The following INPP4B variants were observed in gnomAD, a reference collection of about 807,000 sequenced individuals.
INPP4B encodes inositol polyphosphate 4-phosphatase type II.
A neutral mutation model predicts 122.5 loss-of-function variants in INPP4B; 55 were observed. The observed-to-expected ratio is 0.45, with a 90% CI of 0.36 to 0.56. The LOEUF is 0.56. Among genes scored for constraint, INPP4B ranks in the 20% least tolerant of loss-of-function variants. INPP4B has a pLI of 0.00. For missense variants in INPP4B, 1,000 were observed against 1,097.7 expected (o/e 0.91, Z 1.26); for synonymous variants, 403 against 388.7 (o/e 1.04, Z -0.43).
intron 2 of INPP4B, among the ~76,000 whole-genome samples, chr4:142,653,726 G>C (rs1753521320): frequency 6.6e-6 from 1 of 152,166 alleles, no homozygotes; most frequent in African/African-American, 2.4e-5. Flanking sequence ...AACAACAGGT[G>C]CTGGAAAGGA....
At chr4:142,179,490 AAG>A (rs1491029251) in intron 15 of INPP4B, among the ~76,000 whole-genome samples, 1 of 151,222 alleles carries the variant, frequency 6.6e-6, no homozygotes, top group Non-Finnish European at 1.5e-5. Flanking sequence ...AAAAAAAAAA[AAG>A]GTTTCATGAA....
chr4:142,093,884 A>G (rs919836860), intron 23 of INPP4B, among the ~76,000 whole-genome samples: 1 of 116,146 alleles, frequency 8.6e-6, no homozygotes, highest in African/African-American at 2.7e-5. Context: ...TGCATCACCC[A>G]TAGCAAAAGG....
chr4:142,061,152 A>G (rs919885932), intron 25 of INPP4B, among the ~76,000 whole-genome samples: 22 of 152,212 alleles, frequency 1.4e-4, no homozygotes, highest in African/African-American at 4.8e-4. Context: ...GGGTTAACAG[A>G]TTTCAGCTTA....
At chr4:142,188,950 G>GT (rs1274128847) in intron 15 of INPP4B, among the ~76,000 whole-genome samples, 3 of 152,072 alleles carry the variant, frequency 2.0e-5, no homozygotes, top group Admixed American at 1.3e-4. Flanking sequence ...ACAGTATAAG[G>GT]TTTTGCCTCT....
chr4:142,087,931 G>T (rs1009254776), intron 23 of INPP4B, among the ~76,000 whole-genome samples: 8 of 152,048 alleles, frequency 5.3e-5, no homozygotes, highest in African/African-American at 1.9e-4. Flanking sequence ...AGGAAGGTTG[G>T]GTACAATTCA....
chr4:142,789,612 T>C (rs12507620), intron 1 of INPP4B, among the ~76,000 whole-genome samples: 13,937 of 152,074 alleles, frequency 0.092, 810 homozygotes, highest in African/African-American at 0.16. Flanking sequence ...GGAAACACAT[T>C]CCATGCTCAT....
intron 1 of INPP4B, among the ~76,000 whole-genome samples, chr4:142,776,633 T>C (rs1190419045): frequency 6.6e-6 from 1 of 152,168 alleles, no homozygotes; most frequent in African/African-American, 2.4e-5. Context: ...CTTAGATATC[T>C]TAGAAAATAG....
At chr4:142,451,243 GT>G in intron 3 of INPP4B, among the ~76,000 whole-genome samples, 1 of 125,552 alleles carries the variant, frequency 8.0e-6, no homozygotes, top group African/African-American at 3.0e-5. Flanking sequence ...TTTTGTTGCT[GT>G]TGTTTTTTTT....
At chr4:142,247,769 G>GT (rs1211511617) in intron 11 of INPP4B, among the ~76,000 whole-genome samples, 2 of 152,026 alleles carry the variant, frequency 1.3e-5, no homozygotes, top group East Asian at 3.9e-4. Flanking sequence ...TTTTGGAAGG[G>GT]TTTTTTGTGT....
intron 2 of INPP4B, among the ~76,000 whole-genome samples, chr4:142,604,654 T>A (rs2150312551): frequency 6.6e-6 from 1 of 151,930 alleles, no homozygotes; most frequent in Non-Finnish European, 1.5e-5. Flanking sequence ...TGAAAATAAA[T>A]TTAACCAAAG....
At chr4:142,785,963 AT>A (rs1288580917) in intron 1 of INPP4B, among the ~76,000 whole-genome samples, 4 of 152,132 alleles carry the variant, frequency 2.6e-5, no homozygotes, top group African/African-American at 9.7e-5. Context: ...ATAAGGATAA[AT>A]ATTATATCCA....
At chr4:142,587,461 A>G (rs1166037517) in intron 2 of INPP4B, among the ~76,000 whole-genome samples, 2 of 152,110 alleles carry the variant, frequency 1.3e-5, no homozygotes, top group Non-Finnish European at 2.9e-5. Context: ...CTTCTGAAAA[A>G]AAAGTACCAG....
chr4:142,687,559 C>CAAA (rs3080815), intron 2 of INPP4B, among the ~76,000 whole-genome samples: 3 of 100,578 alleles, frequency 3.0e-5, no homozygotes, highest in African/African-American at 1.2e-4. Context: ...ATCCTTCCTC[C>CAAA]AAAAAAAAAA....
intron 14 of INPP4B, among the ~76,000 whole-genome samples, chr4:142,204,907 C>T (rs1216128505): frequency 6.6e-6 from 1 of 152,054 alleles, no homozygotes; most frequent in East Asian, 1.9e-4. Flanking sequence ...ATTTTAGCAA[C>T]CCAGTTTGTG....
At chr4:142,834,330 A>T (rs2151192113) in intron 1 of INPP4B, among the ~76,000 whole-genome samples, 1 of 152,322 alleles carries the variant, frequency 6.6e-6, no homozygotes, top group Non-Finnish European at 1.5e-5. Flanking sequence ...ACACTCAAAT[A>T]CCAAAACCTG....
At chr4:142,198,818 A>G (rs1185543023) in intron 14 of INPP4B, among the ~76,000 whole-genome samples, 1 of 151,976 alleles carries the variant, frequency 6.6e-6, no homozygotes, top group African/African-American at 2.4e-5. Flanking sequence ...CAATTAATTA[A>G]ATGACTTTTC....
intron 2 of INPP4B, among the ~76,000 whole-genome samples, chr4:142,535,951 T>C (rs761736056): frequency 3.3e-5 from 5 of 152,210 alleles, no homozygotes; most frequent in Non-Finnish European, 7.3e-5. Flanking sequence ...GTCTACATCA[T>C]GCATTATATC....
rs1364180401 is a variant in INPP4B, at chr4:142,227,855, C to CT, written c.836+10008dup. Among the ~76,000 whole-genome samples the CT allele has an allele frequency of 6.6e-5, 3 of 45,186 alleles. No homozygotes were observed. In the East Asian group the frequency reaches 1.7e-3, roughly 25 times the overall value. The allele number at this position is 45,186 out of a possible 152,430, so 29.6% of individuals were successfully genotyped here. The stretch of plus-strand genomic sequence containing the variant: ...CCTGGGCAACAGAGGGAGACTCTAT[C>CT]TAAAAAAAAAAAAAAAAAAAAAAAA... On this transcript the variant is annotated intron_variant, in intron 12 of 25. Transcript: ENST00000262992.
At chr4:142,263,137 T>C (rs1740893791) in intron 10 of INPP4B, among the ~76,000 whole-genome samples, 1 of 152,142 alleles carries the variant, frequency 6.6e-6, no homozygotes, top group Non-Finnish European at 1.5e-5. Flanking sequence ...TGGAGGATGC[T>C]CCTAACAATG....
Sources: allele counts gnomAD v4.1 joint callset (sites outside exome capture counted in the v4.1 genomes callset), GRCh38; gene constraint gnomAD v4.1.1; transcripts MANE v1.5; gene names NCBI Gene and HGNC (gene_info 2026-07-23, HGNC 2026-07-21).